The following DLG2 variants were observed in gnomAD, a reference collection of about 807,000 sequenced individuals.
The protein encoded by DLG2 is disks large homolog 2.
Under a neutral mutation model 132.5 loss-of-function variants are expected in DLG2, and 45 were observed. The observed-to-expected ratio is 0.34, with a 90% confidence interval of 0.27 to 0.44. DLG2 has a LOEUF of 0.44. Ranked by LOEUF, DLG2 falls within the 20% of genes least tolerant of loss-of-function variation. The pLI, the probability that DLG2 is intolerant of heterozygous loss-of-function variation, is 1.00. For synonymous variants in DLG2, 424 were observed against 419.6 expected (o/e 1.01, Z -0.13); for missense variants, 1,045 against 1,196.9 (o/e 0.87, Z 1.87).
intron 3 of DLG2, among the ~76,000 whole-genome samples, chr11:85,505,227 G>A (rs977295392): frequency 6.6e-6 from 1 of 152,132 alleles, no homozygotes; most frequent in Non-Finnish European, 1.5e-5. Context: ...TCTACTGCCT[G>A]ATTACCCTGG....
intron 6 of DLG2, among the ~76,000 whole-genome samples, chr11:84,677,650 G>A (rs1433347702): frequency 6.6e-6 from 1 of 152,024 alleles, no homozygotes; most frequent in African/African-American, 2.4e-5. Flanking sequence ...TTGGGAGGTT[G>A]AGCTGGGAAG....
At chr11:84,411,065 A>T (rs1567562001) in intron 7 of DLG2, among the ~76,000 whole-genome samples, 1 of 152,184 alleles carries the variant, frequency 6.6e-6, no homozygotes, top group Non-Finnish European at 1.5e-5. Context: ...AACAAACCAG[A>T]GCTATGCAGT....
At chr11:85,551,606 A>G (rs2076670259) in intron 3 of DLG2, among the ~76,000 whole-genome samples, 2 of 152,074 alleles carry the variant, frequency 1.3e-5, no homozygotes, top group Non-Finnish European at 2.9e-5. Context: ...TTGACATTCA[A>G]ATTAATAACA....
At chr11:85,077,434 G>T (rs1420869688) in intron 6 of DLG2, among the ~76,000 whole-genome samples, 1 of 151,920 alleles carries the variant, frequency 6.6e-6, no homozygotes, top group Non-Finnish European at 1.5e-5. Flanking sequence ...TAGTGGAGTT[G>T]TTTGGCAATA....
chr11:83,476,867 AATGAG>A (rs2092662149), intron 22 of DLG2, among the ~76,000 whole-genome samples: 1 of 152,120 alleles, frequency 6.6e-6, no homozygotes, highest in Non-Finnish European at 1.5e-5. Context: ...GCAGAAATTA[AATGAG>A]ATAATAGATG....
At chr11:83,837,789 T>C (rs577982142) in intron 16 of DLG2, among the ~76,000 whole-genome samples, 2 of 150,504 alleles carry the variant, frequency 1.3e-5, no homozygotes, top group East Asian at 3.9e-4. Context: ...ACAGTATCCT[T>C]CCTTTCCTAG....
At chr11:84,584,939 C>A (rs537113039) in intron 6 of DLG2, among the ~76,000 whole-genome samples, 1 of 151,828 alleles carries the variant, frequency 6.6e-6, no homozygotes, top group African/African-American at 2.4e-5. Flanking sequence ...CCGCCCGCCT[C>A]GGCCTCCCAA....
At chr11:85,236,043 A>G (rs1162915650) in intron 4 of DLG2, among the ~76,000 whole-genome samples, 3 of 151,862 alleles carry the variant, frequency 2.0e-5, no homozygotes, top group Non-Finnish European at 4.4e-5. Context: ...GACCAAGCAG[A>G]TAAGAGATGG....
At chr11:84,843,074 T>C (rs1437402747) in intron 6 of DLG2, among the ~76,000 whole-genome samples, 1 of 151,974 alleles carries the variant, frequency 6.6e-6, no homozygotes, top group Non-Finnish European at 1.5e-5. Flanking sequence ...ATAGTGCCTA[T>C]AGTTAACCAT....
intron 7 of DLG2, among the ~76,000 whole-genome samples, chr11:84,399,042 T>C (rs2098820418): frequency 6.6e-6 from 1 of 152,208 alleles, no homozygotes; most frequent in Non-Finnish European, 1.5e-5. Flanking sequence ...AGGGTTGGTG[T>C]TCAAAAAATG....
At chr11:84,185,522 G>C (rs2096258300) in intron 8 of DLG2, among the ~76,000 whole-genome samples, 1 of 152,088 alleles carries the variant, frequency 6.6e-6, no homozygotes, top group African/African-American at 2.4e-5. Context: ...TGCAAACAGG[G>C]ACGATTTGAC....
chr11:83,860,762 C>T (rs549376118), intron 16 of DLG2, among the ~76,000 whole-genome samples: 1 of 152,238 alleles, frequency 6.6e-6, no homozygotes, highest in African/African-American at 2.4e-5. Context: ...TTCACTGTGT[C>T]CCCACCTAAA....
At chr11:85,350,244 C>CT (rs1220408379) in intron 3 of DLG2, among the ~76,000 whole-genome samples, 1 of 152,114 alleles carries the variant, frequency 6.6e-6, no homozygotes, top group Non-Finnish European at 1.5e-5. Flanking sequence ...CCTTTGCCCA[C>CT]TTTTTGATGC....
At chr11:83,546,415 A>G (rs2096244647) in intron 19 of DLG2, among the ~76,000 whole-genome samples, 4 of 152,156 alleles carry the variant, frequency 2.6e-5, no homozygotes, top group Non-Finnish European at 4.4e-5. Context: ...CCACTTTACC[A>G]TAGATGGCCA....
At chr11:85,419,007 T>C (rs1039550353) in intron 3 of DLG2, among the ~76,000 whole-genome samples, 1 of 152,062 alleles carries the variant, frequency 6.6e-6, no homozygotes, top group Non-Finnish European at 1.5e-5. Context: ...GATGCAGTTT[T>C]TCATAGTGTC....
In DLG2 at chr11:83,697,582, C is replaced by T. The variant is rs183866587; in HGVS notation, c.1826-64257G>A. Among the ~76,000 whole-genome samples, 137 of 152,258 alleles carry T rather than the reference C, an allele frequency of 9.0e-4. 2 individuals are homozygous for T. Among genetic ancestry groups the T allele is most frequent in the Admixed American group, 9.0e-3 (137 of 15,296 alleles). The stretch of plus-strand genomic sequence containing the variant: ...TCAACCTCCAACCCCTTACGTATAA[C>T]AAGCTGATCTGTTTCTAAACATGTA... On this transcript the variant is annotated intron_variant, in intron 18 of 27. Coordinates refer to ENST00000376104, the MANE Select transcript of DLG2 (RefSeq NM_001142699.3).
At chr11:84,436,890 C>T (rs570515427) in intron 7 of DLG2, among the ~76,000 whole-genome samples, 83 of 152,188 alleles carry the variant, frequency 5.5e-4, no homozygotes, top group South Asian at 1.9e-3. Context: ...TACCAAGCAC[C>T]CCTGTAGAGT....
chr11:84,172,811 G>C (rs1165680128), intron 8 of DLG2, among the ~76,000 whole-genome samples: 1 of 151,912 alleles, frequency 6.6e-6, no homozygotes, highest in Non-Finnish European at 1.5e-5. Flanking sequence ...CAAAGTGCTG[G>C]GATTACAGGT....
intron 18 of DLG2, among the ~76,000 whole-genome samples, chr11:83,745,631 G>A (rs969635611): frequency 3.9e-4 from 60 of 151,926 alleles, no homozygotes; most frequent in African/African-American, 1.3e-3. Context: ...GTGAAACCCC[G>A]TCTCTACTAA....
Sources: gnomAD v4.1 joint callset for allele counts (sites outside exome capture counted in the v4.1 genomes callset) on GRCh38, gnomAD v4.1.1 for gene constraint, MANE v1.5 for transcripts, NCBI Gene and HGNC (gene_info 2026-07-23, HGNC 2026-07-21) for gene names.